UGT8: variants seen among roughly 807,000 people sequenced by gnomAD.
UGT8 encodes UDP glycosyltransferase 8.
In UGT8, 12 loss-of-function variants were observed where a neutral mutation model predicts 40.5. The ratio of observed to expected loss-of-function variants is 0.30; its 90% CI spans 0.19 to 0.48. UGT8 has a LOEUF of 0.48. Ranked by LOEUF, UGT8 falls within the 20% of genes least tolerant of loss-of-function variation. UGT8 has a pLI of 0.99. For missense variants in UGT8, 513 were observed against 648.7 expected, an observed-to-expected ratio of 0.79 and a Z score of 2.27; for synonymous variants, 224 against 240.4, an observed-to-expected ratio of 0.93 and a Z score of 0.63.
At chr4:114,636,702 G>GC (rs1732907804) in intron 2 of UGT8, among the ~76,000 whole-genome samples, 1 of 151,252 alleles carries the variant, frequency 6.6e-6, no homozygotes, top group Non-Finnish European at 1.5e-5. Context: ...GCATTCTGCT[G>GC]CCCCCTCTCC....
intron 2 of UGT8, among the ~76,000 whole-genome samples, chr4:114,632,786 T>C (rs1434836267): frequency 6.6e-6 from 1 of 152,236 alleles, no homozygotes; most frequent in Non-Finnish European, 1.5e-5. Context: ...ACGACAGTAC[T>C]TGCACAGTAT....
At chr4:114,623,983 T>C (rs993762139) in intron 2 of UGT8, among the ~76,000 whole-genome samples, 1 of 152,170 alleles carries the variant, frequency 6.6e-6, no homozygotes, top group Non-Finnish European at 1.5e-5. Flanking sequence ...ATAGTTATAG[T>C]ATGTGAGGAG....
At chr4:114,649,244 C>G (rs1733758270) in intron 2 of UGT8, among the ~76,000 whole-genome samples, 1 of 152,206 alleles carries the variant, frequency 6.6e-6, no homozygotes, top group East Asian at 1.9e-4. Context: ...CAGTCCTTCT[C>G]AAACCTGCAC....
At chr4:114,651,059 A>G (rs1429414042) in intron 2 of UGT8, among the ~76,000 whole-genome samples, 1 of 151,986 alleles carries the variant, frequency 6.6e-6, no homozygotes, top group Non-Finnish European at 1.5e-5. Flanking sequence ...TTTACTTAAC[A>G]TTCCTTCTGT....
At chr4:114,658,931 T>G (rs1418598639) in intron 2 of UGT8, among the ~76,000 whole-genome samples, 1 of 152,128 alleles carries the variant, frequency 6.6e-6, no homozygotes, top group Non-Finnish European at 1.5e-5. Context: ...CTCTGGTACA[T>G]TGCTTAGCTT....
At chr4:114,604,951 T>C (rs1053205985) in intron 1 of UGT8, among the ~76,000 whole-genome samples, 6 of 152,166 alleles carry the variant, frequency 3.9e-5, no homozygotes, top group African/African-American at 1.4e-4. Flanking sequence ...TCACGATTTA[T>C]GGCCCTGTTA....
intron 3 of UGT8, among the ~76,000 whole-genome samples, chr4:114,665,149 G>A (rs1734777259): frequency 6.6e-6 from 1 of 152,132 alleles, no homozygotes; most frequent in Admixed American, 6.5e-5. Flanking sequence ...ATCTTTTAAA[G>A]ATCAGGCAGG....
intron 2 of UGT8, among the ~76,000 whole-genome samples, chr4:114,628,187 T>G (rs947370601): frequency 6.6e-5 from 10 of 152,142 alleles, no homozygotes; most frequent in Non-Finnish European, 1.5e-4. Context: ...TCACCCAGGC[T>G]GAAGTGCAGT....
At chr4:114,673,470 G>A (rs1306701412) in intron 5 of UGT8, among the ~76,000 whole-genome samples, 1 of 152,206 alleles carries the variant, frequency 6.6e-6, no homozygotes, top group Non-Finnish European at 1.5e-5. Flanking sequence ...TCCCTGTTCA[G>A]ATAAGCTGAG....
In UGT8 at chr4:114,676,248, A is replaced by G; in HGVS notation, c.1586A>G (p.Lys529Arg). ...AATGGAATCCTCAATGGCAAGTACA[A>G]AAGAAATGGCCATATTAAACATGAA... Reference protein sequence around the residue: ...YHNGILNGKYKRNGHIKHEKK... With the variant: ...YHNGILNGKYRRNGHIKHEKK... Residue 529 changes from lysine to arginine, a missense_variant, in exon 6 of 6, where the codon AAA becomes AGA. Physicochemically the swap from Lys to Arg is conservative, Grantham distance 26. Transcript: ENST00000310836. 6.2e-7 allele frequency: 1 copy of G among 1,606,842 alleles called. No individual in the cohort carries two copies. Among genetic ancestry groups the G allele is most frequent in the Non-Finnish European group, 8.5e-7 (1 of 1,176,438 alleles).
intron 1 of UGT8, among the ~76,000 whole-genome samples, chr4:114,617,264 A>G (rs562804521): frequency 5.9e-5 from 9 of 152,320 alleles, no homozygotes; most frequent in East Asian, 5.8e-4. Context: ...AAACAAAACA[A>G]ACAGACAAAC....
chr4:114,670,664 T>G (rs1248098242), intron 5 of UGT8, among the ~76,000 whole-genome samples: 1 of 152,016 alleles, frequency 6.6e-6, no homozygotes, highest in Non-Finnish European at 1.5e-5. Flanking sequence ...GGAACATATC[T>G]CAAAACAATA....
chr4:114,615,868 A>C (rs1731383480), intron 1 of UGT8, among the ~76,000 whole-genome samples: 2 of 148,464 alleles, frequency 1.3e-5, no homozygotes, highest in African/African-American at 5.2e-5. Context: ...GAAGTACTCC[A>C]GACCCTTTTT....
chr4:114,656,723 A>G, intron 2 of UGT8: 1 of 490,558 alleles, frequency 2.0e-6, no homozygotes, highest in South Asian at 1.6e-5. Context: ...CTGTGACCTG[A>G]GGGGGAAGTT....
At chr4:114,617,644 AAGAG>A (rs766555067) in intron 1 of UGT8, among the ~76,000 whole-genome samples, 3 of 152,186 alleles carry the variant, frequency 2.0e-5, no homozygotes, top group Non-Finnish European at 1.5e-5. Context: ...AATTTAGAGA[AAGAG>A]AGAATCACTA....
rs1215726342 is a variant in UGT8, at chr4:114,677,658, A to T, written c.*1370A>T. ...AAGCATTCACTAGTTGGCAACTATG[A>T]ATTTATTCCATGTCATTCTGTTTAC... is the stretch of plus-strand genomic sequence containing the variant. On this transcript the variant is annotated 3_prime_UTR_variant, in exon 6 of 6. Transcript: ENST00000310836. 1 of 152,196 alleles carries T rather than the reference A, an allele frequency of 6.6e-6. No homozygotes were observed. The highest frequency in any genetic ancestry group is 1.5e-5 in the Non-Finnish European group (1 of 68,036). 9.4% of individuals were successfully genotyped at this position (152,196 alleles called of 1,614,324 possible).
intron 5 of UGT8, among the ~76,000 whole-genome samples, chr4:114,669,775 A>G (rs1372621459): frequency 1.3e-5 from 2 of 152,236 alleles, no homozygotes; most frequent in African/African-American, 4.8e-5. Context: ...TGCACATCAG[A>G]TAATGAGTTA....
chr4:114,602,562 T>A (rs1730504199), intron 1 of UGT8, among the ~76,000 whole-genome samples: 1 of 152,228 alleles, frequency 6.6e-6, no homozygotes, highest in Admixed American at 6.5e-5. Context: ...GTTAAAAGCA[T>A]ACTGTGTGCC....
At chr4:114,605,696 T>C (rs768685604) in intron 1 of UGT8, among the ~76,000 whole-genome samples, 11 of 152,132 alleles carry the variant, frequency 7.2e-5, no homozygotes, top group Non-Finnish European at 1.6e-4. Flanking sequence ...TGCACATGAA[T>C]TTACAAAGTA....
Sources: gnomAD v4.1 joint callset for allele counts (sites outside exome capture counted in the v4.1 genomes callset) on GRCh38, gnomAD v4.1.1 for gene constraint, MANE v1.5 for transcripts, NCBI Gene and HGNC (gene_info 2026-07-23, HGNC 2026-07-21) for gene names.